Variants in PDXDC1 observed in about 807,000 individuals in gnomAD.
PDXDC1 encodes pyridoxal-dependent decarboxylase domain-containing protein 1.
Under a neutral mutation model 100.1 loss-of-function variants are expected in PDXDC1, and 42 were observed. That is an observed-to-expected ratio of 0.42 (90% CI 0.33 to 0.54). The LOEUF (loss-of-function observed/expected upper bound fraction) is 0.54, where lower values mean the gene tolerates loss of function less well. Among genes scored for constraint, PDXDC1 ranks in the 20% least tolerant of loss-of-function variants. The pLI is 0.10. For synonymous variants in PDXDC1, 260 were observed against 371.7 expected (o/e 0.70, Z 3.46); for missense variants, 636 against 979.2 (o/e 0.65, Z 4.68).
At chr16:15,147,779 C>T in the PDXDC1 span, among the ~76,000 whole-genome samples, 6 of 152,120 alleles carry the variant, frequency 3.9e-5, no homozygotes, top group African/African-American at 1.2e-4. Flanking sequence ...ACCTCCGCCT[C>T]CCGGGTTCAA....
intron 13 of PDXDC1, among the ~76,000 whole-genome samples, chr16:15,024,130 A>G (rs528978001): frequency 6.4e-4 from 97 of 152,348 alleles, no homozygotes; most frequent in Middle Eastern, 3.4e-3. Context: ...TCTGTAGGCC[A>G]CACTGGCCCA....
At position 15,037,954 on chromosome 16, in the gene PDXDC1, T is replaced by G. The variant is rs1225714370; in HGVS notation, c.*1679T>G. Reference sequence around the variant, plus strand: ...GGCCTAAGACCCAACAGATGTAGGATCCAGATCTGGATTCGTGCCAGCCCC... The same window carrying G: ...GGCCTAAGACCCAACAGATGTAGGAGCCAGATCTGGATTCGTGCCAGCCCC... On this transcript the variant is annotated 3_prime_UTR_variant, in exon 23 of 23. Transcript: ENST00000396410. 15 of 1,042,964 alleles carry G rather than the reference T, an allele frequency of 1.4e-5. No homozygotes were observed. Among genetic ancestry groups the G allele is most frequent in the Non-Finnish European group, 2.2e-5 (15 of 687,784 alleles). 64.6% of individuals were successfully genotyped at this position (1,042,964 alleles called of 1,614,324 possible).
At chr16:15,041,225 G>A, downstream of PDXDC1, 1 of 775,458 alleles carries the variant, frequency 1.3e-6, no homozygotes, top group Non-Finnish European at 2.2e-6. Flanking sequence ...ATGCAGAAAG[G>A]GAGGAAAATT....
chr16:14,997,041 GTGGT>G (rs1972131250), intron 1 of PDXDC1, among the ~76,000 whole-genome samples: 1 of 152,194 alleles, frequency 6.6e-6, no homozygotes, highest in African/African-American at 2.4e-5. Context: ...AGGGGACCTT[GTGGT>G]TACCCCCATG....
intron 6 of PDXDC1, among the ~76,000 whole-genome samples, chr16:15,007,333 G>C (rs1836792439): frequency 1.3e-5 from 2 of 152,234 alleles, no homozygotes; most frequent in African/African-American, 4.8e-5. Flanking sequence ...ACCACGCCCA[G>C]ATAATTTTTT....
At chr16:15,126,070 T>C (rs971715571) in intron 16 of PDXDC1, 2 of 524,066 alleles carry the variant, frequency 3.8e-6, no homozygotes, top group African/African-American at 1.9e-5. Context: ...AGTCTCGCTC[T>C]GTCACCCAGG....
intron 16 of PDXDC1, chr16:15,047,510 G>A (rs1597796618): frequency 2.5e-6 from 4 of 1,614,076 alleles, no homozygotes; most frequent in Non-Finnish European, 3.4e-6. Flanking sequence ...CAGCTTTGGT[G>A]TCGGTTCCGT....
At chr16:15,135,675 G>A in intron 16 of PDXDC1, 2 of 1,596,496 alleles carry the variant, frequency 1.3e-6, no homozygotes, top group Non-Finnish European at 1.7e-6. Context: ...CAGGCCCACT[G>A]GAAACTGAGC....
intron 16 of PDXDC1, chr16:15,091,396 A>C: frequency 6.5e-7 from 1 of 1,539,542 alleles, no homozygotes; most frequent in South Asian, 1.1e-5. Context: ...GAAAGAATTA[A>C]GTTATGCTTT....
intron 16 of PDXDC1, among the ~76,000 whole-genome samples, chr16:15,087,350 C>T (rs1396384978): frequency 6.6e-6 from 1 of 152,154 alleles, no homozygotes; most frequent in Non-Finnish European, 1.5e-5. Context: ...TCCCATTTTG[C>T]TGTTCAGGAA....
chr16:14,976,062 T>C (rs1228621040), intron 1 of PDXDC1, among the ~76,000 whole-genome samples: 1 of 152,306 alleles, frequency 6.6e-6, no homozygotes, highest in Non-Finnish European at 1.5e-5. Context: ...CCAGGCTGAC[T>C]GCTCTACCAT....
chr16:15,054,170 C>T (rs987564418), intron 16 of PDXDC1, among the ~76,000 whole-genome samples: 1 of 152,194 alleles, frequency 6.6e-6, no homozygotes, highest in African/African-American at 2.4e-5. Context: ...ATGCCCTCAC[C>T]CTTCTTCTCC....
rs148801746 is a variant in PDXDC1 at position 15,036,199 on chromosome 16, C to T, written c.2291C>T (p.Thr764Ile). 66 of 1,613,998 alleles carry T rather than the reference C, an allele frequency of 4.1e-5. No individual in the cohort carries two copies. Among genetic ancestry groups the T allele is most frequent in the Non-Finnish European group, 5.5e-5 (65 of 1,180,016 alleles). The change falls in exon 23 of 23, where the codon ACC becomes ATC. Residue 764 changes from threonine to isoleucine, a missense_variant. By Grantham distance (89) the Thr-to-Ile change is moderately conservative (BLOSUM62 -1). Transcript: ENST00000396410. The part of the protein sequence containing the change: ...GAPSPQHTDQ[T>I]EAFQKGVPHP... ...CCCAGCCCTCAGCACACCGACCAGA[C>T]CGAGGCCTTCCAGAAAGGGGTCCCA... is the stretch of plus-strand genomic sequence containing the variant.
At chr16:15,104,014 T>A (rs1177364863) in intron 16 of PDXDC1, among the ~76,000 whole-genome samples, 20 of 23,666 alleles carry the variant, frequency 8.5e-4, no homozygotes, top group Admixed American at 2.6e-3. Context: ...GTTAAAGGAT[T>A]TTTTAACATT....
At chr16:15,144,486 A>C in the PDXDC1 span, among the ~76,000 whole-genome samples, 2 of 152,086 alleles carry the variant, frequency 1.3e-5, no homozygotes, top group Admixed American at 6.5e-5. Context: ...CCCTGGCCCC[A>C]CGAGGGGTGG....
At chr16:15,001,498 A>G (rs1973142236) in intron 3 of PDXDC1, among the ~76,000 whole-genome samples, 1 of 152,276 alleles carries the variant, frequency 6.6e-6, no homozygotes. Context: ...CAAAATAAAT[A>G]AATAAAAATA....
At position 15,133,722 on chromosome 16, in the gene PDXDC1, G is replaced by A. The variant is rs2048217075; in HGVS notation, c.1400-5157G>A. 6 of 1,604,914 alleles carry A rather than the reference G, an allele frequency of 3.7e-6. No homozygotes were observed. The South Asian group carries it at 4.4e-5, about 12-fold the overall frequency. ...TGCCAGCCTGAGGGACGGTCCCCAT[G>A]GCATCACGGGAGGGCTCCGTGACGT... On this transcript the variant is annotated intron_variant, in intron 16 of 16. Coordinates refer to the PDXDC1 transcript ENST00000535621.
At chr16:15,008,640 A>G (rs1318201207) in intron 6 of PDXDC1, 139 bp from the exon 7 acceptor site, 5 of 682,692 alleles carry the variant, frequency 7.3e-6, no homozygotes, top group Non-Finnish European at 9.6e-6. Context: ...TTTAACATCA[A>G]TTTATAATAT....
chr16:15,067,729 G>A (rs1206274590), intron 16 of PDXDC1, among the ~76,000 whole-genome samples: 1 of 151,986 alleles, frequency 6.6e-6, no homozygotes, highest in African/African-American at 2.4e-5. Flanking sequence ...AACAATAGCT[G>A]TATCACAGTA....
Sources: allele counts gnomAD v4.1 joint callset (sites outside exome capture counted in the v4.1 genomes callset), GRCh38; gene constraint gnomAD v4.1.1; transcripts MANE v1.5; gene names NCBI Gene and HGNC (gene_info 2026-07-23, HGNC 2026-07-21).